LDAH: variants seen among roughly 807,000 people sequenced by gnomAD.
LDAH encodes lipid droplet associated hydrolase.
Under a neutral mutation model 29.6 loss-of-function variants are expected in LDAH, and 26 were observed. The observed-to-expected ratio is 0.88, with a 90% CI of 0.64 to 1.22. LDAH has a LOEUF of 1.22. Ranked by LOEUF, LDAH falls within the 50% of genes most tolerant of loss-of-function variation. LDAH has a pLI of 0.00. For synonymous variants in LDAH, 117 were observed against 133.0 expected, an observed-to-expected ratio of 0.88 and a Z score of 0.83; for missense variants, 344 against 387.3, an observed-to-expected ratio of 0.89 and a Z score of 0.94.
Position 20,686,163 on chromosome 2 carries a change from C to A in LDAH, c.*740G>T, listed in dbSNP as rs1662544639. The A allele has an allele frequency of 6.5e-6, 1 of 153,578 alleles. No individual in the cohort carries two copies. Among genetic ancestry groups the A allele is most frequent in the Non-Finnish European group, 1.5e-5 (1 of 68,778 alleles). 9.5% of individuals were successfully genotyped at this position (153,578 alleles called of 1,614,324 possible). A position where few individuals can be genotyped will look rare whatever the true frequency, so the allele number is the denominator to read the frequency against. On this transcript the variant is annotated 3_prime_UTR_variant, in exon 7 of 7. Transcript: ENST00000237822. ...CCTGGCTCTGGAGAGGAGGAGCCTG[C>A]AGGGAGCTTATAACCTGGGAGGCTA... is the stretch of plus-strand genomic sequence containing the variant.
intron 4 of LDAH, among the ~76,000 whole-genome samples, chr2:20,769,101 C>T (rs1669243272): frequency 1.3e-5 from 2 of 152,154 alleles, no homozygotes; most frequent in African/African-American, 4.8e-5. Flanking sequence ...CACCCACTGC[C>T]CTCTCCCCGT....
At chr2:20,708,831 T>TTCATCAAAACTAACACTTTTATGC (rs1664497117) in intron 5 of LDAH, among the ~76,000 whole-genome samples, 3 of 152,128 alleles carry the variant, frequency 2.0e-5, no homozygotes, top group African/African-American at 7.2e-5. Context: ...TAAATTGGAC[T>TTCATCAAAACTAACACTTTTATGC]TCATCAAAAC....
At chr2:20,721,113 GA>G (rs1665617481) in intron 5 of LDAH, among the ~76,000 whole-genome samples, 1 of 151,938 alleles carries the variant, frequency 6.6e-6, no homozygotes, top group African/African-American at 2.4e-5. Flanking sequence ...CAACAAAAGC[GA>G]AAAATAGACA....
intron 3 of LDAH, among the ~76,000 whole-genome samples, chr2:20,785,987 A>G (rs1048144807): frequency 2.6e-5 from 4 of 152,138 alleles, no homozygotes; most frequent in Admixed American, 1.3e-4. Flanking sequence ...GATATTTCTA[A>G]AATTGGTAAT....
intron 5 of LDAH, among the ~76,000 whole-genome samples, chr2:20,703,536 T>C (rs1339497223): frequency 6.6e-6 from 1 of 152,240 alleles, no homozygotes; most frequent in African/African-American, 2.4e-5. Context: ...CACCTTTACT[T>C]CTGAATATTG....
intron 4 of LDAH, among the ~76,000 whole-genome samples, chr2:20,766,336 G>A (rs936843296): frequency 2.6e-5 from 4 of 152,174 alleles, no homozygotes; most frequent in Admixed American, 2.0e-4. Context: ...CATATGATTT[G>A]CTCTGTCCAA....
At chr2:20,712,484 CA>C (rs1012844084) in intron 5 of LDAH, among the ~76,000 whole-genome samples, 1 of 152,162 alleles carries the variant, frequency 6.6e-6, no homozygotes, top group African/African-American at 2.4e-5. Context: ...TCTTCTACTC[CA>C]AAGGATTGCA....
intron 1 of LDAH, among the ~76,000 whole-genome samples, chr2:20,821,380 T>C (rs1673279676): frequency 1.3e-5 from 2 of 152,136 alleles, no homozygotes; most frequent in Non-Finnish European, 2.9e-5. Flanking sequence ...CGTCCAACAA[T>C]GATAGACTGG....
chr2:20,745,828 C>G (rs1318172988), intron 4 of LDAH, among the ~76,000 whole-genome samples: 1 of 152,094 alleles, frequency 6.6e-6, no homozygotes, highest in African/African-American at 2.4e-5. Flanking sequence ...AGTCACAAGT[C>G]CTATGACGGG....
In LDAH at chr2:20,698,376, C is replaced by A. The variant is rs1452727563; in HGVS notation, c.786+3194G>T. On this transcript the variant is annotated intron_variant, in intron 6 of 6. Transcript: ENST00000237822. The surrounding 1 kb of genome is among the most constrained non-coding windows in gnomAD (Gnocchi z 4.4). ...CCTCTTGGGGATGACACTAGACAAG[C>A]AGGATTTAGTCAAATGACAAAATAA... 6.6e-6 allele frequency among the ~76,000 whole-genome samples: 1 copy of A among 152,180 alleles called. No individual in the cohort carries two copies. Among genetic ancestry groups the A allele is most frequent in the Admixed American group, 6.5e-5 (1 of 15,286 alleles).
chr2:20,722,377 C>CAAAAAAAAAAAAAAAAA (rs141440507), intron 5 of LDAH, among the ~76,000 whole-genome samples: 1 of 70,842 alleles, frequency 1.4e-5, no homozygotes, highest in Non-Finnish European at 2.6e-5. Context: ...GAAACTGTCT[C>CAAAAAAAAAAAAAAAAA]AAAAAAAAAA....
rs776371334 is a variant in LDAH at position 20,687,039 on chromosome 2, T to C, written c.842A>G (p.Asp281Gly). 1 of 1,613,994 alleles carries C rather than the reference T, an allele frequency of 6.2e-7. No homozygotes were observed. Among genetic ancestry groups the C allele is most frequent in the Non-Finnish European group, 8.5e-7 (1 of 1,179,978 alleles). Residue 281 changes from aspartate (D) to glycine (G), a missense_variant, in exon 7 of 7, where the codon GAC (aspartate) becomes GGC (glycine). By Grantham distance (94) the Asp-to-Gly change is moderately conservative. Coordinates refer to ENST00000237822, the MANE Select transcript of LDAH (RefSeq NM_021925.4). ...DPWCPKEYYE[D>G]IKKDFPEGDI... The stretch of plus-strand genomic sequence containing the variant: ...TCCTTCTGGAAAATCCTTCTTAATG[T>C]CTTCATAGTACTCTTTTGGACACCA...
intron 4 of LDAH, among the ~76,000 whole-genome samples, chr2:20,745,944 G>T (rs1283201906): frequency 6.6e-6 from 1 of 152,120 alleles, no homozygotes; most frequent in Non-Finnish European, 1.5e-5. Flanking sequence ...TTGTGCAAAG[G>T]CAGTTAGGGG....
chr2:20,702,990 C>G (rs925119613), intron 5 of LDAH, among the ~76,000 whole-genome samples: 1 of 152,180 alleles, frequency 6.6e-6, no homozygotes. Context: ...CCACACTCCG[C>G]TAATTTTGTA....
At chr2:20,710,133 A>G (rs1664605657) in intron 5 of LDAH, among the ~76,000 whole-genome samples, 1 of 152,188 alleles carries the variant, frequency 6.6e-6, no homozygotes. Context: ...TGGAACTAAA[A>G]GCTGGTTCTT....
chr2:20,693,102 C>T (rs1287682046), intron 6 of LDAH, among the ~76,000 whole-genome samples: 2 of 152,176 alleles, frequency 1.3e-5, no homozygotes, highest in Admixed American at 6.5e-5. Flanking sequence ...TTCCCTGTGC[C>T]TGTTTACTCA....
chr2:20,819,667 G>A (rs963148524), intron 1 of LDAH, among the ~76,000 whole-genome samples: 2 of 152,064 alleles, frequency 1.3e-5, no homozygotes, highest in African/African-American at 4.8e-5. Flanking sequence ...ATACTGAATG[G>A]GCAAAAACTG....
intron 5 of LDAH, among the ~76,000 whole-genome samples, chr2:20,706,635 G>A (rs1664321347): frequency 6.6e-6 from 1 of 151,396 alleles, no homozygotes; most frequent in Non-Finnish European, 1.5e-5. Context: ...ATTTTCCATA[G>A]TTCTACTTCT....
At chr2:20,694,888 G>A (rs755750106) in intron 6 of LDAH, among the ~76,000 whole-genome samples, 7 of 152,250 alleles carry the variant, frequency 4.6e-5, no homozygotes, top group African/African-American at 9.6e-5. Context: ...AGGCCATCAA[G>A]TGACTGGCTT....
Sources: gnomAD v4.1 joint callset for allele counts (sites outside exome capture counted in the v4.1 genomes callset) on GRCh38, gnomAD v4.1.1 for gene constraint, Gnocchi (gnomAD v3.1) non-coding constraint, MANE v1.5 for transcripts, NCBI Gene and HGNC (gene_info 2026-07-23, HGNC 2026-07-21) for gene names.